The following FOXRED1 variants were observed in gnomAD, a reference collection of about 807,000 sequenced individuals.
The protein encoded by FOXRED1 is FAD-dependent oxidoreductase domain-containing protein 1.
Under a neutral mutation model 57.8 loss-of-function variants are expected in FOXRED1, and 52 were observed. The ratio of observed to expected loss-of-function variants is 0.90; its 90% CI spans 0.72 to 1.13. The LOEUF is 1.13. Among genes scored for constraint, FOXRED1 ranks in the 50% most tolerant of loss-of-function variants. FOXRED1 has a pLI of 0.00. For synonymous variants in FOXRED1, 271 were observed against 248.3 expected, an observed-to-expected ratio of 1.09 and a Z score of -0.86; for missense variants, 589 against 625.2, an observed-to-expected ratio of 0.94 and a Z score of 0.62.
Position 126,273,350 on chromosome 11 carries a change from A to G in FOXRED1, c.432A>G (p.Val144=). 6.2e-7 allele frequency: 1 copy of G among 1,612,884 alleles called. No individual in the cohort carries two copies. Among genetic ancestry groups the G allele is most frequent in the Non-Finnish European group, 8.5e-7 (1 of 1,178,980 alleles). The change falls in exon 4 of 11, where the codon GTA becomes GTG. Residue 144 remains valine, a synonymous_variant. Transcript: ENST00000263578. The surrounding 1 kb of genome is among the most constrained non-coding windows in gnomAD (Gnocchi z 5.9). ...TCTGCACACAGGAGTACCTGGCCGTAGTCGATGCTCCTCCCCTGGACCTCC... is the reference window on the plus strand; with the variant it reads ...TCTGCACACAGGAGTACCTGGCCGTGGTCGATGCTCCTCCCCTGGACCTCC... ...FLRNINEYLA[V]VDAPPLDLRF... is the part of the protein sequence containing the mutation.
At chr11:126,276,589 CT>C in intron 9 of FOXRED1, 66 bp downstream of exon 9, 2 of 1,562,840 alleles carry the variant, frequency 1.3e-6, no homozygotes, top group Non-Finnish European at 8.7e-7. Context: ...AACAATCAGG[CT>C]TTTGGCCAGG....
In FOXRED1 at chr11:126,272,832, A is replaced by G; in HGVS notation, c.307-137A>G. On this transcript the variant is annotated intron_variant, in intron 2 of 10. Coordinates refer to ENST00000263578, the MANE Select transcript of FOXRED1 (RefSeq NM_017547.4). The surrounding 1 kb of genome is among the most constrained non-coding windows in gnomAD (Gnocchi z 4.6). ...CACCATTGCCTTCAAGTTGACTTACACATGGGTCTTAGATTATAGACTTGC... is the reference window on the plus strand; with the variant it reads ...CACCATTGCCTTCAAGTTGACTTACGCATGGGTCTTAGATTATAGACTTGC... The G allele has an allele frequency of 1.4e-6, 1 of 707,066 alleles. No individual in the cohort carries two copies. Among genetic ancestry groups the G allele is most frequent in the Non-Finnish European group, 2.6e-6 (1 of 383,948 alleles). The allele number at this position is 707,066 out of a possible 1,614,324, so 43.8% of individuals were successfully genotyped here.
chr11:126,272,537 C>T lies in FOXRED1; in HGVS notation c.307-432C>T. The T allele has an allele frequency of 4.0e-6, 1 of 250,552 alleles. No individual in the cohort carries two copies. The highest frequency in any genetic ancestry group is 7.9e-6 in the Non-Finnish European group (1 of 126,594). The allele number at this position is 250,552 out of a possible 1,614,324, so 15.5% of individuals were successfully genotyped here. A position where few individuals can be genotyped will look rare whatever the true frequency, so the allele number is the denominator to read the frequency against. On this transcript the variant is annotated intron_variant, in intron 2 of 10. Coordinates refer to ENST00000263578, the MANE Select transcript of FOXRED1 (RefSeq NM_017547.4). The surrounding 1 kb of genome is among the most constrained non-coding windows in gnomAD (Gnocchi z 4.6). ...AGATTCCTGAACTCAAGCAATCAGCCCGCCTCGGCCTCCCAAAGTGCTGGG... is the reference window on the plus strand; with the variant it reads ...AGATTCCTGAACTCAAGCAATCAGCTCGCCTCGGCCTCCCAAAGTGCTGGG...
chr11:126,273,369 G>A lies in FOXRED1; in HGVS notation c.451G>A (p.Asp151Asn). The change falls in exon 4 of 11, where the codon GAC (aspartate) becomes AAC (asparagine). Residue 151 changes from aspartate to asparagine, a missense_variant. Physicochemically the swap from Asp to Asn is conservative, Grantham distance 23 (BLOSUM62 1). Transcript: ENST00000263578. This position sits in a 1 kb window ranked among gnomAD's most constrained non-coding sequence, Gnocchi z 5.9. ...YLAVVDAPPL[D>N]LRFNPSGYLL... ...GGCCGTAGTCGATGCTCCTCCCCTG[G>A]ACCTCCGGTTCAACCCCTCGGGCTA... The A allele has an allele frequency of 6.2e-7, 1 of 1,613,926 alleles. No individual in the cohort carries two copies. The highest frequency in any genetic ancestry group is 8.5e-7 in the Non-Finnish European group (1 of 1,179,956).
In FOXRED1 at chr11:126,278,101, A is replaced by G. The variant is rs1175865532; in HGVS notation, c.*412A>G. 2.1e-6 allele frequency: 1 copy of G among 468,086 alleles called. No individual in the cohort carries two copies. Among genetic ancestry groups the G allele is most frequent in the Non-Finnish European group, 4.2e-6 (1 of 236,598 alleles). The allele number at this position is 468,086 out of a possible 1,614,324, so 29.0% of individuals were successfully genotyped here. ...TTTTCGTCTGTTTACCCTATCCATTAATCAATACATGTAATTAACTCCTTC... is the reference window on the plus strand; with the variant it reads ...TTTTCGTCTGTTTACCCTATCCATTGATCAATACATGTAATTAACTCCTTC... On this transcript the variant is annotated 3_prime_UTR_variant, in exon 11 of 11. Coordinates refer to ENST00000263578, the MANE Select transcript of FOXRED1 (RefSeq NM_017547.4). The surrounding 1 kb of genome is among the most constrained non-coding windows in gnomAD (Gnocchi z 4.8).
At position 126,273,100 on chromosome 11, in the gene FOXRED1, G is replaced by T; in HGVS notation, c.417+21G>T. 1.5e-6 allele frequency: 2 copies of T among 1,348,024 alleles called. No homozygotes were observed. The highest frequency in any genetic ancestry group is 2.1e-6 in the Non-Finnish European group (2 of 936,770). 83.5% of individuals were successfully genotyped at this position (1,348,024 alleles called of 1,614,324 possible). A position where few individuals can be genotyped will look rare whatever the true frequency, so the allele number is the denominator to read the frequency against. Reference sequence around the variant, plus strand: ...TCAATGTAGGTGCAATGATATCCGGGATGTTGGGGTGGTTACCCCTCCTTT... The same window carrying T: ...TCAATGTAGGTGCAATGATATCCGGTATGTTGGGGTGGTTACCCCTCCTTT... On this transcript the variant is annotated intron_variant, in intron 3 of 10. Coordinates refer to ENST00000263578, the MANE Select transcript of FOXRED1 (RefSeq NM_017547.4). The surrounding 1 kb of genome is among the most constrained non-coding windows in gnomAD (Gnocchi z 5.9).
chr11:126,273,295 C>G lies in FOXRED1; in HGVS notation c.418-41C>G, dbSNP rs751985297. 2.0e-6 allele frequency: 3 copies of G among 1,470,372 alleles called. No homozygotes were observed. In the African/African-American group the frequency reaches 4.2e-5, roughly 20 times the overall value. The allele number at this position is 1,470,372 out of a possible 1,614,324, so 91.1% of individuals were successfully genotyped here. A position where few individuals can be genotyped will look rare whatever the true frequency, so the allele number is the denominator to read the frequency against. On this transcript the variant is annotated intron_variant, in intron 3 of 10. Transcript: ENST00000263578. This position sits in a 1 kb window ranked among gnomAD's most constrained non-coding sequence, Gnocchi z 5.9. ...AAGGCAGGAAAACTCTTTCTGGCATCCTTAAGTCAGTTTCTTTCAGGAGCT... is the reference window on the plus strand; with the variant it reads ...AAGGCAGGAAAACTCTTTCTGGCATGCTTAAGTCAGTTTCTTTCAGGAGCT...
rs772289614 is a variant in FOXRED1, at chr11:126,277,953, G to A, written c.*264G>A. 3 of 643,054 alleles carry A rather than the reference G, an allele frequency of 4.7e-6. No individual in the cohort carries two copies. The highest frequency in any genetic ancestry group is 1.5e-5 in the South Asian group (1 of 66,042). 39.8% of individuals were successfully genotyped at this position (643,054 alleles called of 1,614,324 possible). A position where few individuals can be genotyped will look rare whatever the true frequency, so the allele number is the denominator to read the frequency against. ...ACCAGGGCAATCCATCTGGAGGCCTGAGCACCCTGGCCCAGGACTGGCTTC... is the reference window on the plus strand; with the variant it reads ...ACCAGGGCAATCCATCTGGAGGCCTAAGCACCCTGGCCCAGGACTGGCTTC... On this transcript the variant is annotated 3_prime_UTR_variant, in exon 11 of 11. Coordinates refer to ENST00000263578, the MANE Select transcript of FOXRED1 (RefSeq NM_017547.4). The surrounding 1 kb of genome is among the most constrained non-coding windows in gnomAD (Gnocchi z 6.8).
In FOXRED1 at chr11:126,269,212, T is replaced by A. The variant is rs753122219; in HGVS notation, c.6T>A (p.Ile2=). The change falls in exon 1 of 11, where the codon ATT becomes ATA. Residue 2 remains isoleucine, a synonymous_variant. Coordinates refer to ENST00000263578, the MANE Select transcript of FOXRED1 (RefSeq NM_017547.4). M[I]RRVLPHGMGR... ...GGTCCGGGCTCAGAGGGGTTATGATTCGGAGGGTTCTGCCGCACGGCATGG... is the reference window on the plus strand; with the variant it reads ...GGTCCGGGCTCAGAGGGGTTATGATACGGAGGGTTCTGCCGCACGGCATGG... The A allele has an allele frequency of 1.2e-6, 2 of 1,613,210 alleles. No individual in the cohort carries two copies. Among genetic ancestry groups the A allele is most frequent in the African/African-American group, 1.3e-5 (1 of 74,932 alleles).
chr11:126,275,206 G>A lies in FOXRED1; in HGVS notation c.632-121G>A. 2.3e-6 allele frequency: 2 copies of A among 866,186 alleles called. No homozygotes were observed. The highest frequency in any genetic ancestry group is 3.9e-6 in the Non-Finnish European group (2 of 515,612). 53.7% of individuals were successfully genotyped at this position (866,186 alleles called of 1,614,324 possible). On this transcript the variant is annotated intron_variant, in intron 5 of 10. Transcript: ENST00000263578. The surrounding 1 kb of genome is among the most constrained non-coding windows in gnomAD (Gnocchi z 5.9). ...CATCAGGCTTTGTCTCTGTGGTTCAGTTGGTTAAGATGACCTTCCCCGGCT... is the reference window on the plus strand; with the variant it reads ...CATCAGGCTTTGTCTCTGTGGTTCAATTGGTTAAGATGACCTTCCCCGGCT...
chr11:126,271,474 C>T lies in FOXRED1; in HGVS notation c.123C>T (p.Ile41=). The change falls in exon 2 of 11, where the codon ATC becomes ATT. Residue 41 remains isoleucine (I), a synonymous_variant. Coordinates refer to ENST00000263578, the MANE Select transcript of FOXRED1 (RefSeq NM_017547.4). The surrounding 1 kb of genome is among the most constrained non-coding windows in gnomAD (Gnocchi z 5.3). Reference sequence around the variant, plus strand: ...AGGTGTCTGAGATTAAGAAGAAGATCAAGTCGATCCTGCCTGGAAGGTCCT... The same window carrying T: ...AGGTGTCTGAGATTAAGAAGAAGATTAAGTCGATCCTGCCTGGAAGGTCCT... ...DGKVSEIKKK[I]KSILPGRSCD... 3 of 1,614,130 alleles carry T rather than the reference C, an allele frequency of 1.9e-6. No individual in the cohort carries two copies. The highest frequency in any genetic ancestry group is 2.5e-6 in the Non-Finnish European group (3 of 1,179,948).
chr11:126,274,770 T>A lies in FOXRED1; in HGVS notation c.537-157T>A. 1.4e-6 allele frequency: 1 copy of A among 694,942 alleles called. No individual in the cohort carries two copies. 43.0% of individuals were successfully genotyped at this position (694,942 alleles called of 1,614,324 possible). On this transcript the variant is annotated intron_variant, in intron 4 of 10. Coordinates refer to ENST00000263578, the MANE Select transcript of FOXRED1 (RefSeq NM_017547.4). This position sits in a 1 kb window ranked among gnomAD's most constrained non-coding sequence, Gnocchi z 4.8. ...AAGAGCCTGACTAGGAGGCTTGGTCTTCAGCCGCTCAGCAATGAGGAAAAA... is the reference window on the plus strand; with the variant it reads ...AAGAGCCTGACTAGGAGGCTTGGTCATCAGCCGCTCAGCAATGAGGAAAAA...
intron 1 of FOXRED1, among the ~76,000 whole-genome samples, chr11:126,270,562 G>A (rs552487938): frequency 1.6e-4 from 25 of 152,326 alleles, no homozygotes; most frequent in African/African-American, 6.0e-4. Context: ...CAGTTTAAAA[G>A]CAGAGAGCAT....
rs780939514 is a variant in FOXRED1 at position 126,273,368 on chromosome 11, G to C, written c.450G>C (p.Leu150=). Residue 150 remains leucine (L), a synonymous_variant, in exon 4 of 11, where the codon CTG becomes CTC. Transcript: ENST00000263578. This position sits in a 1 kb window ranked among gnomAD's most constrained non-coding sequence, Gnocchi z 5.9. ...EYLAVVDAPP[L]DLRFNPSGYL... is the part of the protein sequence containing the mutation. ...TGGCCGTAGTCGATGCTCCTCCCCT[G>C]GACCTCCGGTTCAACCCCTCGGGCT... 3 of 1,613,854 alleles carry C rather than the reference G, an allele frequency of 1.9e-6. No homozygotes were observed. The highest frequency in any genetic ancestry group is 2.5e-6 in the Non-Finnish European group (3 of 1,179,870).
At chr11:126,269,447 G>C in intron 1 of FOXRED1, 156 bp downstream of exon 1, 2 of 1,440,874 alleles carry the variant, frequency 1.4e-6, no homozygotes, top group Non-Finnish European at 1.9e-6. Context: ...TGTAGGGGCT[G>C]TGCAGGTGTA....
In FOXRED1 at chr11:126,275,859, C is replaced by T; in HGVS notation, c.799C>T (p.His267Tyr). The change falls in exon 7 of 11, where the codon CAT becomes TAT. Residue 267 changes from histidine (H) to tyrosine (Y), a missense_variant. His to Tyr is a moderately conservative substitution (Grantham distance 83, BLOSUM62 2). Transcript: ENST00000263578. The surrounding 1 kb of genome is among the most constrained non-coding windows in gnomAD (Gnocchi z 5.9). ...CAAAGCGGTGGTCTTGAAAAGGATC[C>T]ATGAAGTCCATGTAAGTTTCTAGTC... ...DDKAVVLKRI[H>Y]EVHVKMDRSL... 1 of 1,609,184 alleles carries T rather than the reference C, an allele frequency of 6.2e-7. No individual in the cohort carries two copies.
intron 9 of FOXRED1, chr11:126,276,816 C>T (rs897713750): frequency 4.1e-6 from 2 of 492,892 alleles, no homozygotes; most frequent in Admixed American, 3.2e-5. Context: ...GCTGAGGTTG[C>T]AGTGAGCCAA....
Position 126,275,570 on chromosome 11 carries a change from T to C in FOXRED1, c.733+142T>C. On this transcript the variant is annotated intron_variant, in intron 6 of 10. Coordinates refer to ENST00000263578, the MANE Select transcript of FOXRED1 (RefSeq NM_017547.4). The surrounding 1 kb of genome is among the most constrained non-coding windows in gnomAD (Gnocchi z 5.9). Reference sequence around the variant, plus strand: ...TCCTAGGCATCTTGACCTGGGCTCCTCACTGATCTGCGTTGTGACTTGTGA... The same window carrying C: ...TCCTAGGCATCTTGACCTGGGCTCCCCACTGATCTGCGTTGTGACTTGTGA... 1.3e-6 allele frequency: 1 copy of C among 744,972 alleles called. No homozygotes were observed. 46.1% of individuals were successfully genotyped at this position (744,972 alleles called of 1,614,324 possible). A position where few individuals can be genotyped will look rare whatever the true frequency, so the allele number is the denominator to read the frequency against.
Position 126,271,519 on chromosome 11 carries a change from C to T in FOXRED1, c.168C>T (p.Thr56=). 1 of 1,614,180 alleles carries T rather than the reference C, an allele frequency of 6.2e-7. No individual in the cohort carries two copies. Among genetic ancestry groups the T allele is most frequent in the Non-Finnish European group, 8.5e-7 (1 of 1,180,004 alleles). The part of the protein sequence containing the change: ...PGRSCDLLQD[T]SHLPPEHSDV... The stretch of plus-strand genomic sequence containing the variant: ...GGTCCTGTGATCTACTGCAAGACAC[C>T]AGCCACCTGCCTCCCGAGCACTCGG... The change falls in exon 2 of 11, where the codon ACC becomes ACT. Residue 56 remains threonine, a synonymous_variant. Transcript: ENST00000263578. This position sits in a 1 kb window ranked among gnomAD's most constrained non-coding sequence, Gnocchi z 5.3.
Sources: allele counts gnomAD v4.1 joint callset (sites outside exome capture counted in the v4.1 genomes callset), GRCh38; gene constraint gnomAD v4.1.1; non-coding constraint Gnocchi (gnomAD v3.1); transcripts MANE v1.5; gene names NCBI Gene and HGNC (gene_info 2026-07-23, HGNC 2026-07-21).